CCDC73: variants seen among roughly 807,000 people sequenced by gnomAD.
The protein encoded by CCDC73 is coiled-coil domain-containing protein 73.
In CCDC73, 95 loss-of-function variants were observed where a neutral mutation model predicts 116.5. That is an observed-to-expected ratio of 0.82 (90% CI 0.69 to 0.97). CCDC73 has a LOEUF of 0.97. Among genes scored for constraint, CCDC73 ranks in the 50% least tolerant of loss-of-function variants. The pLI, the probability that CCDC73 is intolerant of heterozygous loss-of-function variation, is 0.00. For missense variants in CCDC73, 1,066 were observed against 1,206.8 expected (o/e 0.88, Z 1.73); for synonymous variants, 398 against 401.3 (o/e 0.99, Z 0.10).
In CCDC73 at chr11:32,752,657, G is replaced by C. The variant is rs1314420095; in HGVS notation, c.135+7452C>G. On this transcript the variant is annotated intron_variant, in intron 2 of 17. Transcript: ENST00000335185. ...TTAATCTGCATTTATTTTATTAGTA[G>C]TAAAGTTAAGCATATTTTTGTACAT... Among the ~76,000 whole-genome samples, 476 of 152,242 alleles carry C rather than the reference G, an allele frequency of 3.1e-3. 3 individuals carry two copies. Among genetic ancestry groups the C allele is most frequent in the Non-Finnish European group, 4.3e-3 (295 of 68,024 alleles).
chr11:32,718,777 TCTTC>T (rs1849966526), intron 2 of CCDC73, among the ~76,000 whole-genome samples: 1 of 152,172 alleles, frequency 6.6e-6, no homozygotes, highest in Non-Finnish European at 1.5e-5. Context: ...GGCAGACCTA[TCTTC>T]CTTATCTCCT....
intron 1 of CCDC73, among the ~76,000 whole-genome samples, chr11:32,761,454 G>C (rs1465987606): frequency 6.6e-6 from 1 of 152,116 alleles, no homozygotes; most frequent in Non-Finnish European, 1.5e-5. Flanking sequence ...AAACGCCCAA[G>C]AGTAAAATTG....
rs563209933 is a variant in CCDC73, at chr11:32,602,737, A to C, written c.*74T>G. ...CAAACTGTAGAGCTTTAAATACAAC[A>C]GTCATTTTATTCTAGTAAAAACTAT... On this transcript the variant is annotated 3_prime_UTR_variant, in exon 18 of 18. Coordinates refer to ENST00000335185, the MANE Select transcript of CCDC73 (RefSeq NM_001008391.4). 1 of 1,134,470 alleles carries C rather than the reference A, an allele frequency of 8.8e-7. No individual in the cohort carries two copies. Among genetic ancestry groups the C allele is most frequent in the African/African-American group, 1.6e-5 (1 of 63,522 alleles). The allele number at this position is 1,134,470 out of a possible 1,614,324, so 70.3% of individuals were successfully genotyped here. A position where few individuals can be genotyped will look rare whatever the true frequency, so the allele number is the denominator to read the frequency against.
chr11:32,736,650 C>G (rs1238919518), intron 2 of CCDC73, among the ~76,000 whole-genome samples: 3 of 151,696 alleles, frequency 2.0e-5, no homozygotes, highest in East Asian at 1.9e-4. Context: ...ACCCAGCCAT[C>G]CCACTACTGG....
intron 2 of CCDC73, among the ~76,000 whole-genome samples, chr11:32,742,683 GC>G (rs914070117): frequency 7.9e-5 from 12 of 152,212 alleles, no homozygotes; most frequent in African/African-American, 2.9e-4. Context: ...GTCAATGTTG[GC>G]TTTTGTTGCC....
At chr11:32,612,054 G>A (rs1005192254) in intron 16 of CCDC73, among the ~76,000 whole-genome samples, 6 of 152,040 alleles carry the variant, frequency 3.9e-5, no homozygotes, top group South Asian at 2.1e-4. Context: ...TTTGATTTTC[G>A]CCTACATTAT....
chr11:32,668,479 C>T (rs560366320), intron 9 of CCDC73, among the ~76,000 whole-genome samples: 1 of 152,050 alleles, frequency 6.6e-6, no homozygotes, highest in South Asian at 2.1e-4. Flanking sequence ...ATGCGATTTA[C>T]CTTTGTCTAA....
At chr11:32,830,216 C>G in the CCDC73 span, 6 of 1,072,934 alleles carry the variant, frequency 5.6e-6, no homozygotes, top group Non-Finnish European at 6.8e-6. Flanking sequence ...AGGGGGTTAC[C>G]TGGAAGGGGC....
chr11:32,828,538 A>G, the CCDC73 span, among the ~76,000 whole-genome samples: 1 of 151,414 alleles, frequency 6.6e-6, no homozygotes, highest in Admixed American at 6.6e-5. Context: ...ATGAAGGGGG[A>G]AAAAATGTTT....
intron 7 of CCDC73, among the ~76,000 whole-genome samples, chr11:32,677,955 CAAAAAAAAAAAAA>C (rs34907847): frequency 1.6e-5 from 1 of 64,282 alleles, no homozygotes; most frequent in Non-Finnish European, 2.7e-5. Flanking sequence ...GATTCCATCT[CAAAAAAAAAAAAA>C]AAAAAAAAAA....
chr11:32,659,979 C>G (rs1855907430), intron 9 of CCDC73, among the ~76,000 whole-genome samples: 1 of 152,016 alleles, frequency 6.6e-6, no homozygotes, highest in African/African-American at 2.4e-5. Context: ...CATTCCTGAA[C>G]CAAACACTGC....
intron 6 of CCDC73, among the ~76,000 whole-genome samples, chr11:32,695,180 C>A (rs746954854): frequency 1.1e-4 from 16 of 152,112 alleles, no homozygotes; most frequent in Non-Finnish European, 1.8e-4. Context: ...ACCAGCCTGG[C>A]CAACGTGGCA....
At chr11:32,718,005 G>C in intron 3 of CCDC73, 71 bp downstream of exon 3, 1 of 1,047,762 alleles carries the variant, frequency 9.5e-7, no homozygotes, top group Non-Finnish European at 1.4e-6. Flanking sequence ...CCCTTGACAC[G>C]TGGGGGTTAC....
At chr11:32,683,643 A>G in intron 6 of CCDC73, 69 bp from the exon 7 acceptor site, 1 of 913,808 alleles carries the variant, frequency 1.1e-6, no homozygotes, top group Non-Finnish European at 1.7e-6. Context: ...TCTGATATCA[A>G]AAGTGCGTGC....
intron 12 of CCDC73, among the ~76,000 whole-genome samples, chr11:32,647,194 G>C (rs1365920977): frequency 1.3e-5 from 2 of 152,218 alleles, no homozygotes; most frequent in Admixed American, 1.3e-4. Context: ...AGGAAGCATA[G>C]CACTGGCATC....
intron 14 of CCDC73, among the ~76,000 whole-genome samples, chr11:32,617,541 G>A (rs1213996634): frequency 6.6e-6 from 1 of 152,206 alleles, no homozygotes; most frequent in African/African-American, 2.4e-5. Context: ...GGGGCAGAGT[G>A]ATACATCAGG....
intron 6 of CCDC73, among the ~76,000 whole-genome samples, chr11:32,691,835 T>C (rs1232854539): frequency 6.6e-6 from 1 of 151,764 alleles, no homozygotes; most frequent in Non-Finnish European, 1.5e-5. Context: ...GATCACGAGG[T>C]TAGGAGATGG....
chr11:32,812,335 A>C, the CCDC73 span, among the ~76,000 whole-genome samples: 15,640 of 152,114 alleles, frequency 0.1, 851 homozygotes, highest in Non-Finnish European at 0.13. Flanking sequence ...GCCTGAGCAA[A>C]ATGGTGAAAC....
intron 2 of CCDC73, among the ~76,000 whole-genome samples, chr11:32,747,996 T>C (rs1313791976): frequency 1.3e-5 from 2 of 152,150 alleles, no homozygotes; most frequent in Non-Finnish European, 2.9e-5. Flanking sequence ...GGTATCTCAG[T>C]TGGAAATGCA....
Sources: allele counts gnomAD v4.1 joint callset (sites outside exome capture counted in the v4.1 genomes callset), GRCh38; gene constraint gnomAD v4.1.1; transcripts MANE v1.5; gene names NCBI Gene and HGNC (gene_info 2026-07-23, HGNC 2026-07-21).